Variants in ANK1 observed in about 807,000 individuals in gnomAD.
ANK1 encodes the protein ankyrin-1.
A neutral mutation model predicts 210.4 loss-of-function variants in ANK1; 51 were observed. That is an observed-to-expected ratio of 0.24 (90% CI 0.19 to 0.31). ANK1 has a LOEUF of 0.31. ANK1 is among the 10% of genes least tolerant of loss of function. The pLI is 1.00. For synonymous variants in ANK1, 967 were observed against 1,025.9 expected, an observed-to-expected ratio of 0.94 and a Z score of 1.10; for missense variants, 2,051 against 2,504.4, an observed-to-expected ratio of 0.82 and a Z score of 3.86.
chr8:41,835,277 AC>A (rs1429182263), intron 1 of ANK1, among the ~76,000 whole-genome samples: 8 of 152,198 alleles, frequency 5.3e-5, no homozygotes, highest in Non-Finnish European at 1.2e-4. Flanking sequence ...AAATGGTGAA[AC>A]CCGTTTCTAC....
At chr8:41,849,355 C>T (rs1447758564) in intron 1 of ANK1, among the ~76,000 whole-genome samples, 3 of 152,194 alleles carry the variant, frequency 2.0e-5, no homozygotes, top group Non-Finnish European at 2.9e-5. Context: ...GAAACCCCGT[C>T]TCTACTAAAA....
intron 16 of ANK1, among the ~76,000 whole-genome samples, chr8:41,711,005 C>T (rs1825973654): frequency 6.6e-6 from 1 of 152,112 alleles, no homozygotes; most frequent in Admixed American, 6.5e-5. Context: ...AGTATTCTTC[C>T]TTTTTAATTT....
chr8:41,783,146 G>C (rs1390888989), intron 1 of ANK1, among the ~76,000 whole-genome samples: 1 of 152,206 alleles, frequency 6.6e-6, no homozygotes, highest in Non-Finnish European at 1.5e-5. Context: ...AGCGCATGGG[G>C]TTTCTGTGAA....
At chr8:41,684,827 G>C in intron 36 of ANK1, 137 bp from the exon 37 acceptor site, 1 of 1,130,184 alleles carries the variant, frequency 8.8e-7, no homozygotes, top group Non-Finnish European at 1.3e-6. Context: ...TCTTTTATTA[G>C]AGTCAAAACA....
chr8:41,698,231 C>T, intron 23 of ANK1, 110 bp from the exon 24 acceptor site: 1 of 1,070,586 alleles, frequency 9.3e-7, no homozygotes, highest in Non-Finnish European at 1.4e-6. Context: ...CAGAGCCTGA[C>T]TGCGCTTCAC....
chr8:41,839,452 C>T (rs533988059), intron 1 of ANK1, among the ~76,000 whole-genome samples: 1 of 152,368 alleles, frequency 6.6e-6, no homozygotes, highest in Admixed American at 6.5e-5. Context: ...GTGAAGCAGA[C>T]ACAGCAGACC....
At position 41,723,539 on chromosome 8, in the gene ANK1, G is replaced by A; in HGVS notation, c.806C>T (p.Thr269Ile). 1 of 1,614,070 alleles carries A rather than the reference G, an allele frequency of 6.2e-7. No homozygotes were observed. The highest frequency in any genetic ancestry group is 8.5e-7 in the Non-Finnish European group (1 of 1,180,008). Residue 269 changes from threonine to isoleucine, a missense_variant, in exon 8 of 43, where the codon ACC becomes ATC. Coordinates refer to ENST00000289734, the MANE Select transcript of ANK1 (RefSeq NM_000037.4). ...LDRGAQIETKTKDELTPLHCA... is the reference protein window; with the variant it reads ...LDRGAQIETKIKDELTPLHCA... ...ACAGCACCTGCTGGCACCCACCTTG[G>A]TCTTGGTTTCTATCTGGGCTCCCCG...
intron 1 of ANK1, among the ~76,000 whole-genome samples, chr8:41,762,004 T>A (rs936622822): frequency 6.6e-6 from 1 of 152,076 alleles, no homozygotes; most frequent in African/African-American, 2.4e-5. Context: ...CTTCCCCAAA[T>A]CCTGACTTCC....
At chr8:41,803,085 G>GGGAAGGGAAGGGAAGGA (rs1563811160) in intron 1 of ANK1, among the ~76,000 whole-genome samples, 6 of 60,034 alleles carry the variant, frequency 1.0e-4, no homozygotes, top group Admixed American at 2.1e-4. Context: ...GGAAGGAAGG[G>GGGAAGGGAAGGGAAGGA]AAGGAAAGGA....
intron 1 of ANK1, among the ~76,000 whole-genome samples, chr8:41,787,540 T>G (rs1846672411): frequency 6.6e-6 from 1 of 152,104 alleles, no homozygotes; most frequent in African/African-American, 2.4e-5. Context: ...GGTAAACCAG[T>G]GCAATCAACA....
At chr8:41,729,082 T>C (rs1384708047) in intron 3 of ANK1, among the ~76,000 whole-genome samples, 1 of 152,124 alleles carries the variant, frequency 6.6e-6, no homozygotes, top group Non-Finnish European at 1.5e-5. Flanking sequence ...GAGGAAAGCA[T>C]TATACAGAAA....
At chr8:41,806,535 C>T (rs568972332) in intron 1 of ANK1, among the ~76,000 whole-genome samples, 2 of 152,160 alleles carry the variant, frequency 1.3e-5, no homozygotes, top group East Asian at 3.9e-4. Context: ...GGCAACATGG[C>T]GAAACCCTGT....
At chr8:41,696,878 G>A (rs1259690260) in intron 24 of ANK1, 105 bp from the exon 25 acceptor site, 8 of 1,106,390 alleles carry the variant, frequency 7.2e-6, no homozygotes, top group Non-Finnish European at 1.1e-5. Flanking sequence ...GAAACCAGGT[G>A]CCACGTGGAG....
Position 41,724,552 on chromosome 8 carries a change from C to T in ANK1, c.615G>A (p.Thr205=), listed in dbSNP as rs550448129. The change falls in exon 7 of 43, where the codon ACG becomes ACA. Residue 205 remains threonine, a splice_region_variant and synonymous_variant. Coordinates refer to ENST00000289734, the MANE Select transcript of ANK1 (RefSeq NM_000037.4). ...CCGCAATGTGCAGGGGCGTGAATCC[C>T]GTCTGGGGCACAACAGAGGGGGAGA... is the stretch of plus-strand genomic sequence containing the variant. ...NDPNPDVLSK[T]GFTPLHIAAH... The T allele has an allele frequency of 4.4e-6, 7 of 1,589,750 alleles. No homozygotes were observed. Among genetic ancestry groups the T allele is most frequent in the Middle Eastern group, 1.7e-4 (1 of 5,946 alleles).
At chr8:41,830,914 G>A (rs1806485720) in intron 1 of ANK1, among the ~76,000 whole-genome samples, 1 of 152,172 alleles carries the variant, frequency 6.6e-6, no homozygotes, top group African/African-American at 2.4e-5. Flanking sequence ...CAACACGGCT[G>A]TTTACATAAT....
intron 1 of ANK1, among the ~76,000 whole-genome samples, chr8:41,824,604 C>T (rs1247204511): frequency 6.6e-6 from 1 of 152,104 alleles, no homozygotes; most frequent in African/African-American, 2.4e-5. Context: ...GACAGGGGGG[C>T]ATTCTATTCT....
chr8:41,765,888 T>C (rs1841674546), intron 1 of ANK1, among the ~76,000 whole-genome samples: 1 of 152,102 alleles, frequency 6.6e-6, no homozygotes, highest in East Asian at 1.9e-4. Flanking sequence ...GCAGGGGACA[T>C]TGGGAAACAC....
chr8:41,797,731 G>T (rs1733652350), upstream of ANK1: 14 of 742,082 alleles, frequency 1.9e-5, no homozygotes, highest in Middle Eastern at 2.0e-3. The surrounding 1 kb of genome is among the most constrained non-coding windows in gnomAD (Gnocchi z 4.0). Context: ...GGTGGCGCCC[G>T]CCTGGGGACC....
At chr8:41,849,172 C>T (rs1414594866) in intron 1 of ANK1, among the ~76,000 whole-genome samples, 1 of 152,234 alleles carries the variant, frequency 6.6e-6, no homozygotes, top group East Asian at 1.9e-4. Context: ...CTCTGCCCAT[C>T]TTCGAAGGCC....
Sources: allele counts gnomAD v4.1 joint callset (sites outside exome capture counted in the v4.1 genomes callset), GRCh38; gene constraint gnomAD v4.1.1; non-coding constraint Gnocchi (gnomAD v3.1); transcripts MANE v1.5; gene names NCBI Gene and HGNC (gene_info 2026-07-23, HGNC 2026-07-21).